Variants in SPAG16 observed in about 807,000 individuals in gnomAD.
SPAG16 encodes sperm-associated antigen 16 protein.
Under a neutral mutation model 80.4 loss-of-function variants are expected in SPAG16, and 86 were observed. The observed-to-expected ratio is 1.07, with a 90% CI of 0.90 to 1.28. The LOEUF is 1.28. Among genes scored for constraint, SPAG16 ranks in the 50% most tolerant of loss-of-function variants. SPAG16 has a pLI of 0.00. For synonymous variants in SPAG16, 294 were observed against 265.9 expected (o/e 1.11, Z -1.03); for missense variants, 870 against 765.3 (o/e 1.14, Z -1.61).
At chr2:213,368,092 A>G in intron 8 of SPAG16, among the ~76,000 whole-genome samples, 1 of 150,950 alleles carries the variant, frequency 6.6e-6, no homozygotes. Context: ...AAGATCAGAT[A>G]GTTGTAGATG....
chr2:214,341,980 C>G (rs968906485), intron 15 of SPAG16, among the ~76,000 whole-genome samples: 3 of 151,890 alleles, frequency 2.0e-5, no homozygotes, highest in Non-Finnish European at 4.4e-5. Flanking sequence ...ATAAAACTGA[C>G]TAAAAGTTCT....
chr2:213,849,989 A>G (rs890694049), intron 10 of SPAG16, among the ~76,000 whole-genome samples: 1 of 152,220 alleles, frequency 6.6e-6, no homozygotes, highest in Non-Finnish European at 1.5e-5. Context: ...CACAGTATAT[A>G]TAAAACTATG....
intron 15 of SPAG16, among the ~76,000 whole-genome samples, chr2:214,241,695 A>T (rs1689501412): frequency 6.6e-6 from 1 of 152,190 alleles, no homozygotes; most frequent in African/African-American, 2.4e-5. Context: ...AATAGAATTC[A>T]TTAACTAAAG....
chr2:213,468,437 GTATT>G (rs1418401219), intron 9 of SPAG16, among the ~76,000 whole-genome samples: 4 of 134,898 alleles, frequency 3.0e-5, no homozygotes, highest in Admixed American at 7.5e-5. Flanking sequence ...ATATATCTAT[GTATT>G]TATATATAGA....
chr2:213,381,849 A>G (rs1383275057), intron 9 of SPAG16, among the ~76,000 whole-genome samples: 1 of 152,214 alleles, frequency 6.6e-6, no homozygotes, highest in Non-Finnish European at 1.5e-5. Flanking sequence ...AAATAGGTAT[A>G]GATGTATCCG....
intron 10 of SPAG16, among the ~76,000 whole-genome samples, chr2:213,797,998 A>G (rs1183987288): frequency 6.6e-6 from 1 of 152,174 alleles, no homozygotes; most frequent in African/African-American, 2.4e-5. Context: ...TCTTTTGATT[A>G]TATTTCAATA....
intron 10 of SPAG16, among the ~76,000 whole-genome samples, chr2:213,817,166 TTTTA>T (rs1483743120): frequency 1.3e-5 from 2 of 149,672 alleles, no homozygotes; most frequent in East Asian, 1.9e-4. Flanking sequence ...ATATAATAGT[TTTTA>T]TTTATTTCTT....
At chr2:214,241,358 CAAAA>C (rs34846102) in intron 15 of SPAG16, 4 of 107,276 alleles carry the variant, frequency 3.7e-5, no homozygotes, top group Non-Finnish European at 6.1e-5. Flanking sequence ...ACTCCGTTGC[CAAAA>C]AAAAAAAAAA....
chr2:213,406,615 G>A (rs1322966932), intron 9 of SPAG16, among the ~76,000 whole-genome samples: 2 of 152,082 alleles, frequency 1.3e-5, no homozygotes, highest in African/African-American at 2.4e-5. Flanking sequence ...ATATTATACA[G>A]AAAAAAGTTC....
At chr2:213,820,918 C>T (rs2072896819) in intron 10 of SPAG16, among the ~76,000 whole-genome samples, 1 of 151,928 alleles carries the variant, frequency 6.6e-6, no homozygotes, top group African/African-American at 2.4e-5. Flanking sequence ...TAAGTTTGCC[C>T]ATTGGGCAAG....
chr2:213,915,793 A>G (rs2077930713), intron 11 of SPAG16, among the ~76,000 whole-genome samples: 1 of 152,088 alleles, frequency 6.6e-6, no homozygotes, highest in South Asian at 2.1e-4. Context: ...TTGTTTCCTG[A>G]CTTTTTAATG....
intron 10 of SPAG16, among the ~76,000 whole-genome samples, chr2:213,812,107 A>C (rs376078319): frequency 6.6e-6 from 1 of 152,196 alleles, no homozygotes; most frequent in Non-Finnish European, 1.5e-5. Context: ...CAGTTGTTAC[A>C]GGAACCTGAT....
intron 11 of SPAG16, chr2:213,923,756 G>A (rs1266187215): frequency 6.6e-6 from 1 of 152,274 alleles, no homozygotes; most frequent in Non-Finnish European, 1.5e-5. Flanking sequence ...GGCAGGTGAG[G>A]TCACATGGTG....
chr2:214,161,034 T>A (rs188274314), intron 15 of SPAG16, among the ~76,000 whole-genome samples: 34 of 152,234 alleles, frequency 2.2e-4, no homozygotes, highest in Admixed American at 2.0e-3. Flanking sequence ...CTCCCACTTA[T>A]AAGTGAGAAC....
At chr2:213,359,427 C>G (rs1347322141) in intron 7 of SPAG16, among the ~76,000 whole-genome samples, 2 of 152,124 alleles carry the variant, frequency 1.3e-5, no homozygotes, top group Admixed American at 6.5e-5. Context: ...GCGGTGGGCT[C>G]CTCCAGTTTG....
At chr2:214,117,296 TGAAAATA>T (rs1315163325) in intron 14 of SPAG16, among the ~76,000 whole-genome samples, 1 of 152,036 alleles carries the variant, frequency 6.6e-6, no homozygotes, top group African/African-American at 2.4e-5. Context: ...ACAGGCTATT[TGAAAATA>T]CAGTCAGAAG....
At chr2:214,364,384 T>A (rs1028785755) in intron 15 of SPAG16, among the ~76,000 whole-genome samples, 1 of 152,142 alleles carries the variant, frequency 6.6e-6, no homozygotes, top group Non-Finnish European at 1.5e-5. Context: ...CAAAAAGAGG[T>A]ACTTACTCCT....
intron 15 of SPAG16, among the ~76,000 whole-genome samples, chr2:214,283,110 GATAATTATTA>G (rs530182824): frequency 2.0e-5 from 3 of 151,862 alleles, no homozygotes; most frequent in Non-Finnish European, 2.9e-5. Flanking sequence ...ATATAACTGT[GATAATTATTA>G]ATAATTATTA....
intron 2 of SPAG16, among the ~76,000 whole-genome samples, chr2:213,296,314 A>G (rs2062494523): frequency 1.3e-5 from 2 of 152,132 alleles, no homozygotes; most frequent in Admixed American, 6.6e-5. Flanking sequence ...AATACATCTG[A>G]TTCTTTTGAT....
Sources: gnomAD v4.1 joint callset for allele counts (sites outside exome capture counted in the v4.1 genomes callset) on GRCh38, gnomAD v4.1.1 for gene constraint, MANE v1.5 for transcripts, NCBI Gene and HGNC (gene_info 2026-07-23, HGNC 2026-07-21) for gene names.